Variants in TMEFF2 observed in about 807,000 individuals in gnomAD.
TMEFF2 encodes transmembrane protein with EGF like and two follistatin like domains 2, also known as tomoregulin-2.
TMEFF2 carries 28 observed loss-of-function variants against 53.8 expected under a neutral mutation model. The ratio of observed to expected loss-of-function variants is 0.52; its 90% CI spans 0.39 to 0.71. TMEFF2 has a LOEUF of 0.71. Among genes scored for constraint, TMEFF2 ranks in the 30% least tolerant of loss-of-function variants. The pLI, the probability that TMEFF2 is intolerant of heterozygous loss-of-function variation, is 0.00. For missense variants in TMEFF2, 353 were observed against 455.2 expected (o/e 0.78, Z 2.04); for synonymous variants, 162 against 166.3 (o/e 0.97, Z 0.20).
chr2:192,027,334 G>A (rs924212940), intron 5 of TMEFF2, among the ~76,000 whole-genome samples: 4 of 152,268 alleles, frequency 2.6e-5, no homozygotes, highest in African/African-American at 9.6e-5. Flanking sequence ...CATTCCAAAA[G>A]CATGTATTCA....
chr2:192,155,222 A>G (rs1690479799), intron 4 of TMEFF2, among the ~76,000 whole-genome samples: 1 of 151,954 alleles, frequency 6.6e-6, no homozygotes. Context: ...CATGATTTTG[A>G]CCGAGAGCCT....
At chr2:192,041,962 G>GGGA (rs1219037881) in intron 5 of TMEFF2, among the ~76,000 whole-genome samples, 96 of 152,158 alleles carry the variant, frequency 6.3e-4, no homozygotes, top group African/African-American at 2.2e-3. Context: ...GTAATCCCAT[G>GGGA]GGCTGGGGGA....
chr2:192,047,361 A>G (rs545436307), intron 5 of TMEFF2, among the ~76,000 whole-genome samples: 7 of 152,288 alleles, frequency 4.6e-5, no homozygotes, highest in East Asian at 1.9e-4. Context: ...ATATCTGCTT[A>G]TTATAAGCCC....
At chr2:191,955,209 A>G (rs1692036922) in intron 8 of TMEFF2, among the ~76,000 whole-genome samples, 1 of 151,710 alleles carries the variant, frequency 6.6e-6, no homozygotes, top group Non-Finnish European at 1.5e-5. Context: ...TTCTGTTGTA[A>G]ATGAAAATAC....
intron 4 of TMEFF2, among the ~76,000 whole-genome samples, chr2:192,075,292 T>TATATATATATAAATATATATATATATAA (rs1368247532): frequency 3.5e-5 from 1 of 28,416 alleles, no homozygotes; most frequent in Non-Finnish European, 6.8e-5. Flanking sequence ...CTATTATATA[T>TATATATATATAAATATATATATATATAA]ATATATATAT....
At chr2:192,160,146 T>G (rs1690598805) in intron 4 of TMEFF2, among the ~76,000 whole-genome samples, 1 of 152,104 alleles carries the variant, frequency 6.6e-6, no homozygotes, top group South Asian at 2.1e-4. Context: ...TATGTGTGTT[T>G]GGGGAGGGGA....
At chr2:192,048,931 A>G (rs1156428864) in intron 5 of TMEFF2, among the ~76,000 whole-genome samples, 1 of 152,214 alleles carries the variant, frequency 6.6e-6, no homozygotes, top group Non-Finnish European at 1.5e-5. Context: ...GAATAATTCA[A>G]TACCTCTGTG....
intron 8 of TMEFF2, among the ~76,000 whole-genome samples, chr2:191,954,665 C>CA (rs1377507234): frequency 4.6e-5 from 7 of 151,698 alleles, no homozygotes; most frequent in African/African-American, 1.7e-4. Context: ...ATTTTCTGGT[C>CA]AAAAAAATCA....
At position 191,949,347 on chromosome 2, in the gene TMEFF2, C is replaced by T; in HGVS notation, c.*964G>A. The T allele has an allele frequency of 1.8e-5, 18 of 985,354 alleles. No homozygotes were observed. The highest frequency in any genetic ancestry group is 2.2e-5 in the Non-Finnish European group (18 of 829,878). The allele number at this position is 985,354 out of a possible 1,614,324, so 61.0% of individuals were successfully genotyped here. ...AATATCGTCATCATCATCTTAGTTCCATTACAAATTATGGTGCTGCATTAG... is the reference window on the plus strand; with the variant it reads ...AATATCGTCATCATCATCTTAGTTCTATTACAAATTATGGTGCTGCATTAG... On this transcript the variant is annotated 3_prime_UTR_variant, in exon 10 of 10. Coordinates refer to ENST00000272771, the MANE Select transcript of TMEFF2 (RefSeq NM_016192.4).
chr2:191,998,114 C>T, intron 7 of TMEFF2, 148 bp downstream of exon 7: 1 of 559,010 alleles, frequency 1.8e-6, no homozygotes, highest in Non-Finnish European at 3.0e-6. Flanking sequence ...ATTACTCTTG[C>T]CTAATGAAAG....
At position 191,949,510 on chromosome 2, in the gene TMEFF2, C is replaced by T. The variant is rs1691803369; in HGVS notation, c.*801G>A. 5 of 985,242 alleles carry T rather than the reference C, an allele frequency of 5.1e-6. No individual in the cohort carries two copies. Among genetic ancestry groups the T allele is most frequent in the East Asian group, 1.1e-4 (1 of 8,824 alleles). 61.0% of individuals were successfully genotyped at this position (985,242 alleles called of 1,614,324 possible). A position where few individuals can be genotyped will look rare whatever the true frequency, so the allele number is the denominator to read the frequency against. ...CTAGTGGTGTTATTACATTTTTCCC[C>T]TGGTAATTCCACCCACCTAAATGGA... On this transcript the variant is annotated 3_prime_UTR_variant, in exon 10 of 10. Transcript: ENST00000272771.
chr2:192,172,434 T>A (rs1162358186), intron 4 of TMEFF2, among the ~76,000 whole-genome samples: 1 of 150,834 alleles, frequency 6.6e-6, no homozygotes, highest in African/African-American at 2.4e-5. Flanking sequence ...TACTGGCCAG[T>A]AGCCTGGCTA....
intron 5 of TMEFF2, among the ~76,000 whole-genome samples, chr2:192,010,095 C>G (rs1686589542): frequency 6.6e-6 from 1 of 152,170 alleles, no homozygotes; most frequent in African/African-American, 2.4e-5. Context: ...GAGTTTGTGT[C>G]TGTATAAAAG....
Position 192,057,788 on chromosome 2 carries a change from A to G in TMEFF2, c.440-13T>C. The G allele has an allele frequency of 6.3e-7, 1 of 1,599,072 alleles. No individual in the cohort carries two copies. Among genetic ancestry groups the G allele is most frequent in the Non-Finnish European group, 8.6e-7 (1 of 1,166,504 alleles). ...GAGCCTTCATGGACTGTAGGACAGAAAAACAGTAAAAGGAATTCAGGTAAT... is the reference window on the plus strand; with the variant it reads ...GAGCCTTCATGGACTGTAGGACAGAGAAACAGTAAAAGGAATTCAGGTAAT... On this transcript the variant is annotated splice_polypyrimidine_tract_variant and intron_variant, in intron 4 of 9. Transcript: ENST00000272771.
At chr2:192,008,615 C>A (rs1311279729) in intron 5 of TMEFF2, among the ~76,000 whole-genome samples, 1 of 152,060 alleles carries the variant, frequency 6.6e-6, no homozygotes, top group East Asian at 1.9e-4. Context: ...TTTATACACA[C>A]CTGAGTCAGG....
chr2:192,174,065 C>G (rs1236819960), intron 4 of TMEFF2, among the ~76,000 whole-genome samples: 4 of 151,662 alleles, frequency 2.6e-5, no homozygotes, highest in Admixed American at 2.6e-4. Context: ...AAACTGAGAG[C>G]AAAAATCAAA....
chr2:191,953,883 A>ATTTTTTTTTTTTTTTTTTTTT (rs563154787), intron 8 of TMEFF2, 46 bp from the exon 9 acceptor site: 5 of 536,052 alleles, frequency 9.3e-6, no homozygotes, highest in African/African-American at 3.0e-5. Context: ...TGCTGCATTC[A>ATTTTTTTTTTTTTTTTTTTTT]TTTTTTTTTT....
rs181708555 is a variant in TMEFF2 at position 192,127,753 on chromosome 2, C to T, written c.439+51915G>A. Among the ~76,000 whole-genome samples, 7 of 152,192 alleles carry T rather than the reference C, an allele frequency of 4.6e-5. No homozygotes were observed. In the East Asian group the frequency reaches 1.2e-3, roughly 25 times the overall value. On this transcript the variant is annotated intron_variant, in intron 4 of 9. Coordinates refer to ENST00000272771, the MANE Select transcript of TMEFF2 (RefSeq NM_016192.4). ...TCTTAAATAAGTTAGTTCAATAAGT[C>T]GTGACAATTTTAAGTAATAATATTA...
chr2:192,179,290 G>A (rs535209332), intron 4 of TMEFF2: 2 of 183,618 alleles, frequency 1.1e-5, no homozygotes, highest in South Asian at 3.9e-4. Flanking sequence ...GTAATTGAGA[G>A]CAGTGTCATA....
Sources: gnomAD v4.1 joint callset for allele counts (sites outside exome capture counted in the v4.1 genomes callset) on GRCh38, gnomAD v4.1.1 for gene constraint, MANE v1.5 for transcripts, NCBI Gene and HGNC (gene_info 2026-07-23, HGNC 2026-07-21) for gene names.